Variants in LARS1 observed in about 807,000 individuals in gnomAD.
LARS1 encodes leucyl-tRNA synthetase 1.
A neutral mutation model predicts 162.8 loss-of-function variants in LARS1; 100 were observed. That is an observed-to-expected ratio of 0.61 (90% CI 0.52 to 0.73). The LOEUF is 0.73. Among genes scored for constraint, LARS1 ranks in the 30% least tolerant of loss-of-function variants. The pLI is 0.00. For synonymous variants in LARS1, 457 were observed against 462.8 expected (o/e 0.99, Z 0.16); for missense variants, 1,258 against 1,408.9 (o/e 0.89, Z 1.71).
intron 28 of LARS1, among the ~76,000 whole-genome samples, chr5:146,125,244 T>C (rs1366558898): frequency 6.6e-6 from 1 of 152,032 alleles, no homozygotes; most frequent in Non-Finnish European, 1.5e-5. Flanking sequence ...ACAACTTGAT[T>C]AGTGTAGGTC....
intron 31 of LARS1, among the ~76,000 whole-genome samples, chr5:146,115,144 T>C (rs1764152548): frequency 6.6e-6 from 1 of 151,590 alleles, no homozygotes; most frequent in African/African-American, 2.4e-5. Context: ...GTGTCAGAGA[T>C]TCTGACATCT....
Position 146,140,550 on chromosome 5 carries a change from G to A in LARS1, c.2091-289C>T, listed in dbSNP as rs144091901. Among the ~76,000 whole-genome samples, 872 of 152,330 alleles carry A rather than the reference G, an allele frequency of 5.7e-3. 4 individuals carry two copies. Among genetic ancestry groups the A allele is most frequent in the Middle Eastern group, 0.02 (6 of 294 alleles). On this transcript the variant is annotated intron_variant, in intron 20 of 31. Coordinates refer to ENST00000394434, the MANE Select transcript of LARS1 (RefSeq NM_020117.11). ...AGGCTGGGCGCAGTGGCTCACGCCC[G>A]TAATCCCAGCACTTTGGGAGGCCAA...
chr5:146,121,347 A>G (rs1319655203), intron 30 of LARS1, among the ~76,000 whole-genome samples: 2 of 152,156 alleles, frequency 1.3e-5, no homozygotes, highest in Non-Finnish European at 2.9e-5. Context: ...GACTCTCCCA[A>G]TTGCAGTCCC....
chr5:146,130,483 A>G (rs1293623181), intron 24 of LARS1: 1 of 255,130 alleles, frequency 3.9e-6, no homozygotes, highest in East Asian at 1.1e-4. Flanking sequence ...ATAAAAAAAG[A>G]CTATAAATAC....
intron 31 of LARS1, among the ~76,000 whole-genome samples, chr5:146,118,486 C>T (rs1211513696): frequency 2.6e-5 from 4 of 152,124 alleles, no homozygotes; most frequent in Admixed American, 6.5e-5. Context: ...ATATATGGTA[C>T]ATTTCAAAAT....
At chr5:146,147,679 C>G (rs1049438451) in intron 15 of LARS1, among the ~76,000 whole-genome samples, 20 of 151,682 alleles carry the variant, frequency 1.3e-4, no homozygotes, top group South Asian at 1.3e-3. Flanking sequence ...AACAGGACTG[C>G]CAGGATCTAA....
intron 15 of LARS1, among the ~76,000 whole-genome samples, chr5:146,149,024 G>A (rs928619972): frequency 6.6e-6 from 1 of 151,994 alleles, no homozygotes; most frequent in African/African-American, 2.4e-5. Flanking sequence ...GCAGTGAGCT[G>A]AGATCGCGCC....
At chr5:146,167,334 C>T (rs531465062) in intron 5 of LARS1, among the ~76,000 whole-genome samples, 1 of 152,170 alleles carries the variant, frequency 6.6e-6, no homozygotes, top group South Asian at 2.1e-4. Flanking sequence ...TATATACTAT[C>T]TTGCAGTTCT....
intron 2 of LARS1, among the ~76,000 whole-genome samples, chr5:146,173,529 T>C (rs1754369573): frequency 6.6e-6 from 1 of 151,442 alleles, no homozygotes; most frequent in Admixed American, 6.6e-5. Flanking sequence ...TTTAAACGCA[T>C]CCTTTAAAGC....
intron 1 of LARS1, chr5:146,179,534 A>G (rs1754740277): frequency 5.4e-6 from 1 of 185,342 alleles, no homozygotes; most frequent in African/African-American, 2.4e-5. Flanking sequence ...GTAGGGCCTC[A>G]TGAAGCCTAG....
At chr5:146,121,293 A>G (rs1328640219) in intron 30 of LARS1, among the ~76,000 whole-genome samples, 2 of 152,098 alleles carry the variant, frequency 1.3e-5, no homozygotes, top group Non-Finnish European at 1.5e-5. Context: ...GTAAAAAAAC[A>G]TATCTAAGTC....
rs1237186944 is a variant in LARS1 at position 146,177,596 on chromosome 5, T to C, written c.76A>G (p.Thr26Ala). ...IEKEIQQKWD[T>A]ERVFEVNASN... ...GCATTGACCTCAAACACTCTCTCAG[T>C]ATCCCATTTCTGTTGGATTTCTTTC... The change falls in exon 2 of 32, where the codon ACT (threonine) becomes GCT (alanine). Residue 26 changes from threonine (T) to alanine (A), a missense_variant. Transcript: ENST00000394434. 6.2e-7 allele frequency: 1 copy of C among 1,605,732 alleles called. No homozygotes were observed. The highest frequency in any genetic ancestry group is 8.5e-7 in the Non-Finnish European group (1 of 1,174,640).
At chr5:146,174,722 C>G (rs1270508459) in intron 2 of LARS1, among the ~76,000 whole-genome samples, 1 of 150,984 alleles carries the variant, frequency 6.6e-6, no homozygotes, top group African/African-American at 2.4e-5. Flanking sequence ...GGTTACTTAG[C>G]CTCTCTGTGC....
At chr5:146,167,142 A>G (rs1481475127) in intron 5 of LARS1, among the ~76,000 whole-genome samples, 1 of 152,242 alleles carries the variant, frequency 6.6e-6, no homozygotes, top group African/African-American at 2.4e-5. Context: ...TTAAGGAAAC[A>G]TAGTAAGGAC....
At chr5:146,133,619 T>C (rs1752385544) in intron 22 of LARS1, among the ~76,000 whole-genome samples, 1 of 136,818 alleles carries the variant, frequency 7.3e-6, no homozygotes, top group Admixed American at 7.9e-5. Context: ...CATTCTAAAA[T>C]ATTGAAAAAA....
chr5:146,153,604 G>C (rs1753390058), intron 12 of LARS1, 130 bp downstream of exon 12: 1 of 683,846 alleles, frequency 1.5e-6, no homozygotes, highest in African/African-American at 1.8e-5. Context: ...TTAACATCAA[G>C]AAACAAGTTA....
Position 146,182,505 on chromosome 5 carries a change from G to A in LARS1, c.-12C>T. The A allele has an allele frequency of 6.2e-7, 1 of 1,613,890 alleles. No homozygotes were observed. The highest frequency in any genetic ancestry group is 1.3e-5 in the African/African-American group (1 of 75,012). ...AAACTCACCGCCATTGCACCGCCCA[G>A]CCGACTGTGCAAATCCACGACAATG... On this transcript the variant is annotated 5_prime_UTR_variant, in exon 1 of 32. Transcript: ENST00000394434.
chr5:146,174,523 T>TATATATATATATATATCC (rs1754444599), intron 2 of LARS1, among the ~76,000 whole-genome samples: 9 of 14,756 alleles, frequency 6.1e-4, no homozygotes, highest in Admixed American at 1.3e-3. Context: ...TATATATCCA[T>TATATATATATATATATCC]ATATATATAT....
Position 146,128,764 on chromosome 5 carries a change from G to A in LARS1, c.2788C>T (p.Leu930=), listed in dbSNP as rs1477560528. The A allele has an allele frequency of 2.5e-6, 4 of 1,602,658 alleles. No individual in the cohort carries two copies. The East Asian group carries it at 8.9e-5, about 36-fold the overall frequency. The change falls in exon 27 of 32, where the codon CTG becomes TTG. Residue 930 remains leucine (L), a synonymous_variant. Coordinates refer to ENST00000394434, the MANE Select transcript of LARS1 (RefSeq NM_020117.11). ...AKGKKTDKQP[L]QKPSHCTIYV... ...ATGGTGCAATGTGAGGGCTTCTGCA[G>A]GGGTTGTTTGTCAGTCTTCTAGACG...
Sources: gnomAD v4.1 joint callset for allele counts (sites outside exome capture counted in the v4.1 genomes callset) on GRCh38, gnomAD v4.1.1 for gene constraint, MANE v1.5 for transcripts, NCBI Gene and HGNC (gene_info 2026-07-23, HGNC 2026-07-21) for gene names.